PPP1R9A: variants seen among roughly 807,000 people sequenced by gnomAD.
The protein encoded by PPP1R9A is neurabin-1.
A neutral mutation model predicts 141.9 loss-of-function variants in PPP1R9A; 59 were observed. That is an observed-to-expected ratio of 0.42 (90% CI 0.34 to 0.52). The LOEUF (loss-of-function observed/expected upper bound fraction) is 0.52, where lower values mean the gene tolerates loss of function less well. Among genes scored for constraint, PPP1R9A ranks in the 20% least tolerant of loss-of-function variants. PPP1R9A has a pLI of 0.10. For synonymous variants in PPP1R9A, 500 were observed against 569.7 expected, an observed-to-expected ratio of 0.88 and a Z score of 1.74; for missense variants, 1,444 against 1,611.9, an observed-to-expected ratio of 0.90 and a Z score of 1.78.
chr7:95,087,120 A>G (rs1015669452), intron 2 of PPP1R9A, among the ~76,000 whole-genome samples: 2 of 152,002 alleles, frequency 1.3e-5, no homozygotes, highest in Admixed American at 6.5e-5. Context: ...TGTTCAAATT[A>G]TGGTAATTTC....
chr7:94,969,011 C>G (rs1798562454), intron 2 of PPP1R9A, among the ~76,000 whole-genome samples: 1 of 152,064 alleles, frequency 6.6e-6, no homozygotes, highest in Non-Finnish European at 1.5e-5. Context: ...ATGTTCCTCT[C>G]TAAACTGGTT....
intron 5 of PPP1R9A, among the ~76,000 whole-genome samples, chr7:95,181,131 CATCA>C (rs1338179502): frequency 2.7e-5 from 4 of 148,816 alleles, no homozygotes; most frequent in Non-Finnish European, 4.4e-5. Flanking sequence ...CGCAAATGCC[CATCA>C]ATCAAAGAGT....
chr7:95,274,057 C>T (rs746765081), intron 15 of PPP1R9A, 28 bp from the exon 16 acceptor site: 1 of 1,518,212 alleles, frequency 6.6e-7, no homozygotes, highest in Non-Finnish European at 9.0e-7. Context: ...TTCAGCTTCC[C>T]CTTTCTGACT....
rs567972644 is a variant in PPP1R9A, at chr7:95,154,853, A to T, written c.1650-7014A>T. On this transcript the variant is annotated intron_variant, in intron 4 of 19. Transcript: ENST00000433360. ...CTAGTAGTTATAAAATGTTTTATGA[A>T]ATTATTTGGATACACAAATAGAGAA... is the stretch of plus-strand genomic sequence containing the variant. 9.2e-5 allele frequency: 14 copies of T among 152,316 alleles called. No individual in the cohort carries two copies. In the East Asian group the frequency reaches 2.5e-3, roughly 27 times the overall value. The allele number at this position is 152,316 out of a possible 1,614,324, so 9.4% of individuals were successfully genotyped here. A position where few individuals can be genotyped will look rare whatever the true frequency, so the allele number is the denominator to read the frequency against.
Position 95,198,387 on chromosome 7 carries a change from A to T in PPP1R9A, c.1793A>T (p.Glu598Val). The T allele has an allele frequency of 1.2e-6, 2 of 1,613,046 alleles. No homozygotes were observed. Among genetic ancestry groups the T allele is most frequent in the Non-Finnish European group, 1.7e-6 (2 of 1,179,606 alleles). ...IGREKPGQVSEVAQLISQTLE... is the reference protein window; with the variant it reads ...IGREKPGQVSVVAQLISQTLE... ...CGGGAAAAACCAGGACAAGTGAGCGAGGTTGCCCAGTTGATAAGCCAGACA... is the reference window on the plus strand; with the variant it reads ...CGGGAAAAACCAGGACAAGTGAGCGTGGTTGCCCAGTTGATAAGCCAGACA... Residue 598 changes from glutamate to valine, a missense_variant, in exon 6 of 20, where the codon GAG (glutamate) becomes GTG (valine). Around this residue, in one of 5 missense-constraint regions of PPP1R9A, gnomAD observed 488 missense variants for 542.0 expected, o/e 0.90. Transcript: ENST00000433360.
At chr7:95,176,548 A>T (rs1357366100) in intron 5 of PPP1R9A, 1 of 152,338 alleles carries the variant, frequency 6.6e-6, no homozygotes, top group Non-Finnish European at 1.5e-5. Flanking sequence ...AAGAATTCAT[A>T]TTAGTTATTA....
At chr7:95,135,639 G>C (rs1478912485) in intron 4 of PPP1R9A, among the ~76,000 whole-genome samples, 6 of 151,648 alleles carry the variant, frequency 4.0e-5, no homozygotes, top group Non-Finnish European at 7.4e-5. Context: ...TACTAGCTCT[G>C]TACATATTTG....
chr7:95,060,636 C>G (rs776881875), intron 2 of PPP1R9A, among the ~76,000 whole-genome samples: 1 of 152,084 alleles, frequency 6.6e-6, no homozygotes, highest in Non-Finnish European at 1.5e-5. Context: ...AACTTTCCCC[C>G]ATAAGTTACA....
chr7:95,150,505 G>C (rs755770110), intron 4 of PPP1R9A, among the ~76,000 whole-genome samples: 10 of 151,990 alleles, frequency 6.6e-5, no homozygotes, highest in Non-Finnish European at 1.3e-4. Context: ...GAGTTTCACC[G>C]TATTGGCCAT....
At chr7:95,150,137 A>G (rs1828390433) in intron 4 of PPP1R9A, among the ~76,000 whole-genome samples, 1 of 149,154 alleles carries the variant, frequency 6.7e-6, no homozygotes, top group African/African-American at 2.5e-5. Context: ...TACTGGAATA[A>G]CTGGACATCC....
At chr7:94,909,624 T>G (rs34355311) in intron 1 of PPP1R9A, among the ~76,000 whole-genome samples, 12,361 of 152,082 alleles carry the variant, frequency 0.081, 625 homozygotes, top group Admixed American at 0.15. Context: ...AATATACTTA[T>G]GTGTAGCTTG....
chr7:95,054,187 C>T (rs1811193842), intron 2 of PPP1R9A, among the ~76,000 whole-genome samples: 1 of 149,028 alleles, frequency 6.7e-6, no homozygotes, highest in African/African-American at 2.5e-5. Flanking sequence ...ACAATCTTGG[C>T]TGACTGCAAC....
intron 2 of PPP1R9A, among the ~76,000 whole-genome samples, chr7:94,941,869 G>A (rs943689512): frequency 6.6e-6 from 1 of 152,074 alleles, no homozygotes; most frequent in Admixed American, 6.6e-5. Context: ...GAGAAACAAT[G>A]TAGTTAATGG....
chr7:94,949,926 A>G (rs1432213772), intron 2 of PPP1R9A, among the ~76,000 whole-genome samples: 5 of 145,848 alleles, frequency 3.4e-5, no homozygotes, highest in South Asian at 2.2e-4. Context: ...TTTTTTTTGA[A>G]TGGTCACTTT....
intron 2 of PPP1R9A, among the ~76,000 whole-genome samples, chr7:94,979,758 G>A (rs950095147): frequency 3.3e-5 from 5 of 152,214 alleles, no homozygotes; most frequent in African/African-American, 4.8e-5. Context: ...AATTGTAACT[G>A]TGCAGATGTC....
chr7:94,944,463 TA>T (rs780345321), intron 2 of PPP1R9A, among the ~76,000 whole-genome samples: 21 of 61,226 alleles, frequency 3.4e-4, no homozygotes, highest in African/African-American at 9.1e-4. Flanking sequence ...ACCCCCCGAT[TA>T]AAAAAAAAGG....
At chr7:94,963,797 G>T (rs929555092) in intron 2 of PPP1R9A, among the ~76,000 whole-genome samples, 3 of 152,102 alleles carry the variant, frequency 2.0e-5, no homozygotes, top group Admixed American at 2.0e-4. Flanking sequence ...CTTTACACCA[G>T]ATAGTAGAGA....
intron 5 of PPP1R9A, among the ~76,000 whole-genome samples, chr7:95,171,251 G>A (rs533044809): frequency 5.1e-4 from 78 of 151,670 alleles, no homozygotes; most frequent in Admixed American, 2.7e-3. Context: ...TTTCTTAAAT[G>A]TAAATGGTCT....
At chr7:95,001,195 GAA>G (rs1365096201) in intron 2 of PPP1R9A, among the ~76,000 whole-genome samples, 1 of 152,110 alleles carries the variant, frequency 6.6e-6, no homozygotes, top group Non-Finnish European at 1.5e-5. Context: ...ACTTGTATTT[GAA>G]TTCAGGGAAG....
Sources: allele counts gnomAD v4.1 joint callset (sites outside exome capture counted in the v4.1 genomes callset), GRCh38; gene constraint gnomAD v4.1.1; regional missense constraint gnomAD v4.1.1; transcripts MANE v1.5; gene names NCBI Gene and HGNC (gene_info 2026-07-23, HGNC 2026-07-21).